DENND1A: variants seen among roughly 807,000 people sequenced by gnomAD.
DENND1A encodes DENN domain-containing protein 1A.
DENND1A carries 51 observed loss-of-function variants against 113.7 expected under a neutral mutation model. That is an observed-to-expected ratio of 0.45 (90% CI 0.36 to 0.57). DENND1A has a LOEUF of 0.57. Ranked by LOEUF, DENND1A falls within the 20% of genes least tolerant of loss-of-function variation. DENND1A has a pLI of 0.00. For missense variants in DENND1A, 1,258 were observed against 1,395.9 expected (o/e 0.90, Z 1.57); for synonymous variants, 565 against 570.8 (o/e 0.99, Z 0.14).
chr9:123,403,089 C>A (rs920448677), intron 21 of DENND1A, among the ~76,000 whole-genome samples: 3 of 152,190 alleles, frequency 2.0e-5, no homozygotes, highest in Non-Finnish European at 4.4e-5. Context: ...CTAACCCTCA[C>A]CTACTGACTC....
intron 5 of DENND1A, among the ~76,000 whole-genome samples, chr9:123,735,942 T>C (rs760517068): frequency 1.9e-4 from 29 of 152,098 alleles, no homozygotes; most frequent in Non-Finnish European, 3.7e-4. Flanking sequence ...GAGGTTGCAG[T>C]GAGCCGAGAT....
intron 5 of DENND1A, chr9:123,751,530 A>T (rs549748621): frequency 7.2e-5 from 11 of 152,356 alleles, no homozygotes; most frequent in African/African-American, 2.6e-4. Context: ...CATTCAAAAA[A>T]TCACTTTTGC....
intron 13 of DENND1A, among the ~76,000 whole-genome samples, chr9:123,521,389 C>A (rs1335794387): frequency 6.6e-6 from 1 of 152,132 alleles, no homozygotes; most frequent in Non-Finnish European, 1.5e-5. Context: ...CTTGGCTCTG[C>A]CACCCCTATT....
Position 123,626,854 on chromosome 9 carries a change from G to C in DENND1A, c.719+3522C>G, listed in dbSNP as rs79821401. ...ACCCAAGAAAACAGAGTTCTAGATG[G>C]GTCCCAGAGAACCCTCAGGAGACAG... On this transcript the variant is annotated intron_variant, in intron 10 of 23. Coordinates refer to ENST00000394215, the MANE Select transcript of DENND1A (RefSeq NM_001352964.2). Among the ~76,000 whole-genome samples, 199 of 152,262 alleles carry C rather than the reference G, an allele frequency of 1.3e-3. 2 individuals are homozygous for C. The East Asian group carries it at 0.036, about 27-fold the overall frequency.
chr9:123,494,789 T>C (rs540516839), intron 13 of DENND1A, among the ~76,000 whole-genome samples: 18 of 152,146 alleles, frequency 1.2e-4, no homozygotes, highest in African/African-American at 4.1e-4. Flanking sequence ...CTTCAGGCCC[T>C]TTTTTTGTAC....
intron 5 of DENND1A, among the ~76,000 whole-genome samples, chr9:123,725,136 T>A (rs1176302915): frequency 6.6e-6 from 1 of 152,252 alleles, no homozygotes; most frequent in African/African-American, 2.4e-5. Context: ...CAAGCTTCAC[T>A]AATTGTTAAA....
chr9:123,717,838 A>T (rs2067079765), intron 5 of DENND1A, among the ~76,000 whole-genome samples: 1 of 152,214 alleles, frequency 6.6e-6, no homozygotes, highest in Admixed American at 6.5e-5. Context: ...AATGCTAAAC[A>T]GTGTGTAGTT....
At position 123,381,686 on chromosome 9, in the gene DENND1A, G is replaced by A. The variant is rs774009185; in HGVS notation, c.2959C>T (p.Leu987=). ...VAPSRIRTLP[L]ARSSARAAET... ...GCAGCCCTGGCACTTGAGCGGGCCA[G>A]GGGCAACGTTCGGATCCTCGACGGG... Residue 987 remains leucine, a synonymous_variant, in exon 24 of 24, where the codon CTG becomes TTG. Coordinates refer to ENST00000394215, the MANE Select transcript of DENND1A (RefSeq NM_001352964.2). This position sits in a 1 kb window ranked among gnomAD's most constrained non-coding sequence, Gnocchi z 4.7. 22 of 1,580,824 alleles carry A rather than the reference G, an allele frequency of 1.4e-5. No homozygotes were observed. Among genetic ancestry groups the A allele is most frequent in the Non-Finnish European group, 1.5e-5 (17 of 1,163,324 alleles).
intron 1 of DENND1A, among the ~76,000 whole-genome samples, chr9:123,923,516 C>T (rs186827012): frequency 2.6e-5 from 4 of 152,180 alleles, no homozygotes; most frequent in African/African-American, 7.2e-5. Flanking sequence ...CAGAGAGATA[C>T]GTTAGTTGTG....
Position 123,457,427 on chromosome 9 carries a change from A to G in DENND1A, c.1107T>C (p.Asp369=), listed in dbSNP as rs3829851. The G allele has an allele frequency of 0.058, 93,337 of 1,612,824 alleles. 3,002 individuals carry two copies. The highest frequency in any genetic ancestry group is 0.094 in the East Asian group (4,201 of 44,876). Residue 369 remains aspartate (D), a synonymous_variant, in exon 15 of 24, where the codon GAT becomes GAC. Transcript: ENST00000394215. ...TQLQLFKQFI[D]GRLDLLNSGE... is the part of the protein sequence containing the mutation. Reference sequence around the variant, plus strand: ...CGGAATTGAGAAGATCTAATCGACCATCAATAAACTATAGAAAGAAGGAAC... The same window carrying G: ...CGGAATTGAGAAGATCTAATCGACCGTCAATAAACTATAGAAAGAAGGAAC...
intron 13 of DENND1A, among the ~76,000 whole-genome samples, chr9:123,555,608 C>A (rs1057291744): frequency 3.9e-5 from 6 of 152,182 alleles, no homozygotes; most frequent in African/African-American, 1.2e-4. Context: ...CTCAATTGAT[C>A]CTCAGGAAGG....
chr9:123,592,337 C>T (rs1340510003), intron 11 of DENND1A, among the ~76,000 whole-genome samples: 2 of 152,208 alleles, frequency 1.3e-5, no homozygotes, highest in African/African-American at 2.4e-5. Context: ...CTTTTCTTGG[C>T]TATGTCTCAT....
At chr9:123,755,571 T>G (rs2131375784) in intron 5 of DENND1A, among the ~76,000 whole-genome samples, 1 of 150,962 alleles carries the variant, frequency 6.6e-6, no homozygotes, top group Non-Finnish European at 1.5e-5. Context: ...AATATGTGGA[T>G]TTTTTAAAGT....
chr9:123,860,692 A>G (rs1844937721), intron 2 of DENND1A, among the ~76,000 whole-genome samples: 1 of 152,136 alleles, frequency 6.6e-6, no homozygotes, highest in South Asian at 2.1e-4. Context: ...CCTATACTTC[A>G]TCTCTGCTGC....
At chr9:123,511,854 G>A (rs2053487926) in intron 13 of DENND1A, among the ~76,000 whole-genome samples, 1 of 152,328 alleles carries the variant, frequency 6.6e-6, no homozygotes, top group Admixed American at 6.5e-5. Flanking sequence ...GGGTTGCAGG[G>A]ATTGTCTGTG....
intron 13 of DENND1A, 85 bp downstream of exon 13, chr9:123,557,485 G>C: frequency 6.4e-7 from 1 of 1,553,006 alleles, no homozygotes; most frequent in African/African-American, 1.4e-5. Flanking sequence ...GAAACCAGAA[G>C]AATCATGGCA....
intron 2 of DENND1A, among the ~76,000 whole-genome samples, chr9:123,816,692 A>G (rs923295318): frequency 3.3e-5 from 5 of 152,214 alleles, no homozygotes; most frequent in Non-Finnish European, 5.9e-5. Context: ...AGTCATTTCA[A>G]TAGTGCCTTG....
chr9:123,384,232 G>T lies in DENND1A; in HGVS notation c.1761-319C>A, dbSNP rs1255121731. Among the ~76,000 whole-genome samples, 5 of 152,354 alleles carry T rather than the reference G, an allele frequency of 3.3e-5. No homozygotes were observed. In the East Asian group the frequency reaches 9.7e-4, roughly 29 times the overall value. On this transcript the variant is annotated intron_variant, in intron 22 of 23. Coordinates refer to ENST00000394215, the MANE Select transcript of DENND1A (RefSeq NM_001352964.2). Reference sequence around the variant, plus strand: ...TGGGCTTGTGAGCCATTCAGACAAGGTGTGAGGAACAGACAGGACTGGAAG... The same window carrying T: ...TGGGCTTGTGAGCCATTCAGACAAGTTGTGAGGAACAGACAGGACTGGAAG...
chr9:123,454,006 C>T (rs1035674632), intron 16 of DENND1A, among the ~76,000 whole-genome samples: 2 of 152,248 alleles, frequency 1.3e-5, no homozygotes, highest in Non-Finnish European at 2.9e-5. Context: ...TGCTTACTCT[C>T]CGCCAACTGC....
Sources: allele counts gnomAD v4.1 joint callset (sites outside exome capture counted in the v4.1 genomes callset), GRCh38; gene constraint gnomAD v4.1.1; non-coding constraint Gnocchi (gnomAD v3.1); transcripts MANE v1.5; gene names NCBI Gene and HGNC (gene_info 2026-07-23, HGNC 2026-07-21).